Variants in EXOC2 observed in about 807,000 individuals in gnomAD.
The protein encoded by EXOC2 is exocyst complex component 2, also known as SEC5-like 1.
In EXOC2, 70 loss-of-function variants were observed where a neutral mutation model predicts 131.8. That is an observed-to-expected ratio of 0.53 (90% CI 0.44 to 0.65). EXOC2 has a LOEUF of 0.65. Ranked by LOEUF, EXOC2 falls within the 30% of genes least tolerant of loss-of-function variation. The pLI, the probability that EXOC2 is intolerant of heterozygous loss-of-function variation, is 0.00. For synonymous variants in EXOC2, 411 were observed against 398.4 expected (o/e 1.03, Z -0.38); for missense variants, 923 against 1,108.6 (o/e 0.83, Z 2.38).
chr6:543,134 G>A (rs2493046), intron 22 of EXOC2, among the ~76,000 whole-genome samples: 26,501 of 152,198 alleles, frequency 0.17, 2,866 homozygotes, highest in African/African-American at 0.31. Context: ...TAGAGAGGTA[G>A]AGAAGGATTT....
At chr6:670,514 G>C (rs1763816814) in intron 1 of EXOC2, among the ~76,000 whole-genome samples, 1 of 151,660 alleles carries the variant, frequency 6.6e-6, no homozygotes, top group African/African-American at 2.4e-5. Flanking sequence ...AGGGAAGGAG[G>C]ACTTCAAACA....
At chr6:547,379 G>C (rs898609873) in intron 22 of EXOC2, among the ~76,000 whole-genome samples, 6 of 152,236 alleles carry the variant, frequency 3.9e-5, no homozygotes, top group African/African-American at 1.4e-4. Context: ...CACCAGAGGA[G>C]TCTGAGAGAA....
chr6:507,318 CAA>C (rs1764616966), intron 23 of EXOC2, among the ~76,000 whole-genome samples: 1 of 69,976 alleles, frequency 1.4e-5, no homozygotes, highest in Non-Finnish European at 3.1e-5. Flanking sequence ...CACACACACA[CAA>C]AGAAGTGACC....
chr6:498,896 G>T (rs1763885208), intron 24 of EXOC2, among the ~76,000 whole-genome samples: 1 of 152,238 alleles, frequency 6.6e-6, no homozygotes. Context: ...ATTAGTCTGT[G>T]AGCCACAGCC....
At chr6:589,754 G>T (rs565746423) in intron 11 of EXOC2, among the ~76,000 whole-genome samples, 2 of 152,332 alleles carry the variant, frequency 1.3e-5, no homozygotes, top group South Asian at 4.1e-4. Context: ...CAGCCACAGA[G>T]ATTAGAATGT....
At chr6:577,479 G>A (rs751775841) in intron 11 of EXOC2, among the ~76,000 whole-genome samples, 5 of 152,036 alleles carry the variant, frequency 3.3e-5, no homozygotes, top group Non-Finnish European at 5.9e-5. Flanking sequence ...CCAGAAAACC[G>A]GCAGGATAAA....
intron 11 of EXOC2, among the ~76,000 whole-genome samples, chr6:581,259 G>A (rs1044935244): frequency 1.3e-5 from 2 of 148,914 alleles, no homozygotes; most frequent in Middle Eastern, 3.2e-3. Context: ...TCACATCACC[G>A]CACTCCAGTC....
rs116006399 is a variant in EXOC2, at chr6:567,993, G to A, written c.1444-3064C>T. Among the ~76,000 whole-genome samples the A allele has an allele frequency of 3.7e-3, 565 of 152,310 alleles. 3 individuals carry two copies. The highest frequency in any genetic ancestry group is 0.011 in the African/African-American group (469 of 41,554). On this transcript the variant is annotated intron_variant, in intron 13 of 27. Transcript: ENST00000230449. The stretch of plus-strand genomic sequence containing the variant: ...CAGAGGTTGGAGAGCTTTGTGTGAC[G>A]GTTGGGGGTTAGGAGGACTGCTTTG...
chr6:685,981 T>G (rs1371745151), intron 1 of EXOC2, among the ~76,000 whole-genome samples: 2 of 150,422 alleles, frequency 1.3e-5, no homozygotes, highest in Non-Finnish European at 3.0e-5. Flanking sequence ...ACCTCTTTTT[T>G]TTTTTTTTGA....
At chr6:643,682 G>C (rs897995019) in intron 1 of EXOC2, among the ~76,000 whole-genome samples, 1 of 151,392 alleles carries the variant, frequency 6.6e-6, no homozygotes, top group Admixed American at 6.6e-5. Flanking sequence ...AAAGGAAGCA[G>C]AATGACAGAA....
intron 22 of EXOC2, among the ~76,000 whole-genome samples, chr6:539,112 C>T (rs769066305): frequency 6.6e-5 from 10 of 151,788 alleles, no homozygotes; most frequent in Admixed American, 1.3e-4. Flanking sequence ...AGAAAATGCG[C>T]TTACGATATT....
chr6:656,528 C>G, intron 1 of EXOC2: 1 of 1,604,350 alleles, frequency 6.2e-7, no homozygotes, highest in African/African-American at 1.3e-5. Context: ...GCCACACTCT[C>G]CTGGGAAGCA....
intron 4 of EXOC2, among the ~76,000 whole-genome samples, chr6:620,357 T>C (rs138096676): frequency 1.4e-3 from 206 of 152,246 alleles, no homozygotes; most frequent in Middle Eastern, 3.4e-3. Flanking sequence ...TTTCTGCCAC[T>C]CTAGGCATGA....
At chr6:557,087 G>C (rs569176668) in intron 17 of EXOC2, among the ~76,000 whole-genome samples, 1 of 152,238 alleles carries the variant, frequency 6.6e-6, no homozygotes, top group African/African-American at 2.4e-5. Flanking sequence ...CTGAAAATAT[G>C]CCCAACCAAT....
At chr6:531,415 G>GTGCACAGAAAAGTGTT (rs1411701609) in intron 23 of EXOC2, among the ~76,000 whole-genome samples, 4 of 152,380 alleles carry the variant, frequency 2.6e-5, no homozygotes, top group African/African-American at 7.2e-5. Context: ...AGAAAAGTGT[G>GTGCACAGAAAAGTGTT]TGCACAGAAA....
chr6:671,294 T>C (rs1016918676), intron 1 of EXOC2, among the ~76,000 whole-genome samples: 13 of 151,488 alleles, frequency 8.6e-5, no homozygotes, highest in Non-Finnish European at 1.3e-4. Flanking sequence ...GAGGTGGAGA[T>C]TGCAGTGAGC....
At chr6:663,850 T>C (rs1015927876) in intron 1 of EXOC2, among the ~76,000 whole-genome samples, 1 of 152,146 alleles carries the variant, frequency 6.6e-6, no homozygotes, top group African/African-American at 2.4e-5. Flanking sequence ...GGGGAAAAGT[T>C]GAAAGCATTC....
Position 629,892 on chromosome 6 carries a change from T to C in EXOC2, c.365A>G (p.Lys122Arg). 6.2e-7 allele frequency: 1 copy of C among 1,614,122 alleles called. No individual in the cohort carries two copies. The highest frequency in any genetic ancestry group is 1.1e-5 in the South Asian group (1 of 91,076). ...ACGTAAGGACAAGGGCGGAATTCCT[T>C]TGTTCCTGTCAGTGCGCATATCATA... is the stretch of plus-strand genomic sequence containing the variant. ...NYYDMRTDRNKGIPPLSLRPA... is the reference protein window; with the variant it reads ...NYYDMRTDRNRGIPPLSLRPA... The change falls in exon 4 of 28, where the codon AAA becomes AGA. Residue 122 changes from lysine (K) to arginine (R), a missense_variant. Physicochemically the swap from Lys to Arg is conservative, Grantham distance 26. Transcript: ENST00000230449.
At chr6:557,474 C>T (rs1231793038) in intron 17 of EXOC2, among the ~76,000 whole-genome samples, 1 of 151,800 alleles carries the variant, frequency 6.6e-6, no homozygotes, top group Non-Finnish European at 1.5e-5. Context: ...AAAAATTAGC[C>T]AGGCGTGGTG....
Sources: allele counts gnomAD v4.1 joint callset (sites outside exome capture counted in the v4.1 genomes callset), GRCh38; gene constraint gnomAD v4.1.1; transcripts MANE v1.5; gene names NCBI Gene and HGNC (gene_info 2026-07-23, HGNC 2026-07-21).